CDH4: variants seen among roughly 807,000 people sequenced by gnomAD.
The protein encoded by CDH4 is cadherin-4.
In CDH4, 33 loss-of-function variants were observed where a neutral mutation model predicts 86.0. The ratio of observed to expected loss-of-function variants is 0.38; its 90% CI spans 0.29 to 0.51. The LOEUF (loss-of-function observed/expected upper bound fraction) is 0.51. CDH4 is among the 20% of genes least tolerant of loss of function. The pLI, the probability that CDH4 is intolerant of heterozygous loss-of-function variation, is 0.86. For missense variants in CDH4, 1,114 were observed against 1,307.4 expected (o/e 0.85, Z 2.28); for synonymous variants, 555 against 549.4 (o/e 1.01, Z -0.14).
chr20:61,312,283 G>A (rs1444721545), intron 2 of CDH4, among the ~76,000 whole-genome samples: 2 of 150,182 alleles, frequency 1.3e-5, no homozygotes, highest in African/African-American at 4.9e-5. Flanking sequence ...ATTTTGTGAT[G>A]TATGCATATG....
Position 61,709,649 on chromosome 20 carries a change from G to A in CDH4, c.170-33914G>A, listed in dbSNP as rs1302010992. Reference sequence around the variant, plus strand: ...TGAGCAGAGGTGCATGGCAGAGAAGGTAGCATGGTTTCCAGAGTAAAGGAG... The same window carrying A: ...TGAGCAGAGGTGCATGGCAGAGAAGATAGCATGGTTTCCAGAGTAAAGGAG... On this transcript the variant is annotated intron_variant, in intron 2 of 15. Coordinates refer to ENST00000614565, the MANE Select transcript of CDH4 (RefSeq NM_001794.5). This position sits in a 1 kb window ranked among gnomAD's most constrained non-coding sequence, Gnocchi z 4.8. Among the ~76,000 whole-genome samples, 1 of 152,040 alleles carries A rather than the reference G, an allele frequency of 6.6e-6. No individual in the cohort carries two copies. Among genetic ancestry groups the A allele is most frequent in the Non-Finnish European group, 1.5e-5 (1 of 68,014 alleles).
Position 61,804,959 on chromosome 20 carries a change from C to T in CDH4, c.576+31777C>T, listed in dbSNP as rs114077577. Among the ~76,000 whole-genome samples the T allele has an allele frequency of 3.5e-3, 539 of 152,338 alleles. 2 individuals are homozygous for T. The highest frequency in any genetic ancestry group is 0.012 in the African/African-American group (514 of 41,586). On this transcript the variant is annotated intron_variant, in intron 4 of 15. Coordinates refer to ENST00000614565, the MANE Select transcript of CDH4 (RefSeq NM_001794.5). ...CTCAGACAATGCCAGAGTCAGCAGG[C>T]GCTTTCCCCTCATCCCGCAGACCTG...
At chr20:61,560,977 G>A (rs2086212874) in intron 2 of CDH4, among the ~76,000 whole-genome samples, 1 of 152,212 alleles carries the variant, frequency 6.6e-6, no homozygotes, top group Admixed American at 6.5e-5. Context: ...AGATGACCAG[G>A]CAGGGGATGC....
At chr20:61,698,313 G>A (rs945189711) in intron 2 of CDH4, among the ~76,000 whole-genome samples, 2 of 152,254 alleles carry the variant, frequency 1.3e-5, no homozygotes, top group Non-Finnish European at 2.9e-5. Context: ...TGCGATTGAG[G>A]GCACAGAGTC....
chr20:61,746,507 C>T (rs1766775586), intron 3 of CDH4, among the ~76,000 whole-genome samples: 1 of 152,204 alleles, frequency 6.6e-6, no homozygotes, highest in East Asian at 1.9e-4. Flanking sequence ...CAGCCCTGTG[C>T]TGCACAGGAG....
Position 61,568,254 on chromosome 20 carries a change from G to A in CDH4, c.170-175309G>A, listed in dbSNP as rs917238834. Among the ~76,000 whole-genome samples, 7 of 152,124 alleles carry A rather than the reference G, an allele frequency of 4.6e-5. 1 individual carries two copies. Among genetic ancestry groups the A allele is most frequent in the Admixed American group, 3.9e-4 (6 of 15,284 alleles). ...TCCCCACATGTGGTGGGAGGGAGCC[G>A]GTGAGAGGTAACTGAATTATGGGGG... is the stretch of plus-strand genomic sequence containing the variant. On this transcript the variant is annotated intron_variant, in intron 2 of 15. Transcript: ENST00000614565.
intron 14 of CDH4, 27 bp downstream of exon 14, chr20:61,933,151 C>T (rs761323704): frequency 6.2e-7 from 1 of 1,606,826 alleles, no homozygotes; most frequent in Non-Finnish European, 8.5e-7. Flanking sequence ...CCCCCGCCTC[C>T]CCACGCGAGG....
At position 61,394,033 on chromosome 20, in the gene CDH4, G is replaced by T. The variant is rs1451187789; in HGVS notation, c.169+139096G>T. Among the ~76,000 whole-genome samples the T allele has an allele frequency of 2.6e-5, 4 of 152,142 alleles. No individual in the cohort carries two copies. The South Asian group carries it at 6.2e-4, about 24-fold the overall frequency. Reference sequence around the variant, plus strand: ...AATACAAATACTTATATAAATCATTGCATTGTTATTATTCATCGAGAACTA... The same window carrying T: ...AATACAAATACTTATATAAATCATTTCATTGTTATTATTCATCGAGAACTA... On this transcript the variant is annotated intron_variant, in intron 2 of 15. Coordinates refer to ENST00000614565, the MANE Select transcript of CDH4 (RefSeq NM_001794.5).
intron 2 of CDH4, among the ~76,000 whole-genome samples, chr20:61,288,902 T>C (rs564601479): frequency 6.6e-6 from 1 of 152,314 alleles, no homozygotes; most frequent in African/African-American, 2.4e-5. Context: ...GCGGAAGTCA[T>C]AGGCTTTCGC....
chr20:61,695,370 C>T (rs2087705223), intron 2 of CDH4, among the ~76,000 whole-genome samples: 1 of 152,172 alleles, frequency 6.6e-6, no homozygotes, highest in Non-Finnish European at 1.5e-5. Context: ...TTCCACGGGG[C>T]CCTGCAAACT....
intron 9 of CDH4, among the ~76,000 whole-genome samples, chr20:61,920,078 C>G (rs1331110854): frequency 1.6e-4 from 6 of 38,624 alleles, no homozygotes; most frequent in Admixed American, 3.1e-4. Flanking sequence ...AGCGTGGTGT[C>G]ACGGTGATTG....
intron 2 of CDH4, among the ~76,000 whole-genome samples, chr20:61,568,585 C>T (rs1449654911): frequency 6.6e-6 from 1 of 152,220 alleles, no homozygotes; most frequent in Non-Finnish European, 1.5e-5. Context: ...GATACTACAA[C>T]AAATTTATGC....
chr20:61,401,501 G>A (rs191459485), intron 2 of CDH4, among the ~76,000 whole-genome samples: 65 of 152,274 alleles, frequency 4.3e-4, no homozygotes, highest in Middle Eastern at 3.4e-3. Context: ...AACGTAACTC[G>A]TGCTCGTGCA....
At chr20:61,907,196 C>A (rs538404848) in intron 8 of CDH4, among the ~76,000 whole-genome samples, 1 of 152,152 alleles carries the variant, frequency 6.6e-6, no homozygotes, top group South Asian at 2.1e-4. Context: ...CAGGCCCCCC[C>A]GGGCACCAGG....
chr20:61,714,107 C>T lies in CDH4; in HGVS notation c.170-29456C>T, dbSNP rs983492716. On this transcript the variant is annotated intron_variant, in intron 2 of 15. Coordinates refer to ENST00000614565, the MANE Select transcript of CDH4 (RefSeq NM_001794.5). Reference sequence around the variant, plus strand: ...TGTCGCCCAGGCTGGAGTGCAGTGGCGTGATCTTGGCTCACTACAAGCTCT... The same window carrying T: ...TGTCGCCCAGGCTGGAGTGCAGTGGTGTGATCTTGGCTCACTACAAGCTCT... 5.7e-4 allele frequency among the ~76,000 whole-genome samples: 86 copies of T among 150,412 alleles called. 1 individual carries two copies. The highest frequency in any genetic ancestry group is 2.0e-3 in the African/African-American group (79 of 40,276).
In CDH4 at chr20:61,311,967, G is replaced by A. The variant is rs577948239; in HGVS notation, c.169+57030G>A. Among the ~76,000 whole-genome samples, 5 of 152,390 alleles carry A rather than the reference G, an allele frequency of 3.3e-5. No homozygotes were observed. The East Asian group carries it at 9.6e-4, about 29-fold the overall frequency. ...GTCATTGTGCGTGCACATGTGTACT[G>A]TATGTGTTTACATGCCTGCATGTGT... On this transcript the variant is annotated intron_variant, in intron 2 of 15. Transcript: ENST00000614565.
In CDH4 at chr20:61,582,867, C is replaced by T. The variant is rs1038310245; in HGVS notation, c.170-160696C>T. On this transcript the variant is annotated intron_variant, in intron 2 of 15. Coordinates refer to ENST00000614565, the MANE Select transcript of CDH4 (RefSeq NM_001794.5). This position sits in a 1 kb window ranked among gnomAD's most constrained non-coding sequence, Gnocchi z 4.2. ...ATTCAGAGTTGTGCAGCCACCACCC[C>T]AGTCCATTTTAGAATGTTTTCATCG... Among the ~76,000 whole-genome samples the T allele has an allele frequency of 6.6e-6, 1 of 152,184 alleles. No individual in the cohort carries two copies. The highest frequency in any genetic ancestry group is 2.4e-5 in the African/African-American group (1 of 41,438).
intron 2 of CDH4, among the ~76,000 whole-genome samples, chr20:61,601,594 C>T (rs942429380): frequency 1.3e-5 from 2 of 152,212 alleles, no homozygotes; most frequent in African/African-American, 2.4e-5. Flanking sequence ...GCACCCTCTG[C>T]CCTCCTGTGT....
intron 2 of CDH4, among the ~76,000 whole-genome samples, chr20:61,715,058 C>T (rs1377085837): frequency 6.6e-6 from 1 of 152,176 alleles, no homozygotes; most frequent in Non-Finnish European, 1.5e-5. Flanking sequence ...TTCACCACAT[C>T]CACGCCAACA....
Sources: gnomAD v4.1 joint callset for allele counts (sites outside exome capture counted in the v4.1 genomes callset) on GRCh38, gnomAD v4.1.1 for gene constraint, Gnocchi (gnomAD v3.1) non-coding constraint, MANE v1.5 for transcripts, NCBI Gene and HGNC (gene_info 2026-07-23, HGNC 2026-07-21) for gene names.